The following NPAS3 variants were observed in gnomAD, a reference collection of about 807,000 sequenced individuals.
NPAS3 encodes neuronal PAS domain protein 3, also known as neuronal PAS domain-containing protein 3.
NPAS3 carries 14 observed loss-of-function variants against 73.1 expected under a neutral mutation model. The ratio of observed to expected loss-of-function variants is 0.19; its 90% CI spans 0.13 to 0.30. The LOEUF (loss-of-function observed/expected upper bound fraction) is 0.30, where lower values mean the gene tolerates loss of function less well. NPAS3 is among the 10% of genes least tolerant of loss of function. The pLI is 1.00. For missense variants in NPAS3, 1,096 were observed against 1,250.0 expected (o/e 0.88, Z 1.86); for synonymous variants, 620 against 541.5 (o/e 1.14, Z -2.01).
intron 2 of NPAS3, among the ~76,000 whole-genome samples, chr14:33,077,794 C>CTT (rs2041715836): frequency 4.8e-5 from 1 of 20,750 alleles, no homozygotes; most frequent in Non-Finnish European, 1.6e-4. Context: ...TTTTTTGCCC[C>CTT]TTTTGGCTTC....
At chr14:33,763,887 T>C (rs1174922486) in intron 7 of NPAS3, among the ~76,000 whole-genome samples, 1 of 152,112 alleles carries the variant, frequency 6.6e-6, no homozygotes, top group East Asian at 1.9e-4. Flanking sequence ...CGTGTTTGCT[T>C]TAAACAATTT....
chr14:33,106,622 G>A (rs1415735698), intron 2 of NPAS3, among the ~76,000 whole-genome samples: 1 of 152,118 alleles, frequency 6.6e-6, no homozygotes, highest in East Asian at 1.9e-4. Context: ...CTTAAATGAG[G>A]AGAAAAGCTG....
intron 3 of NPAS3, among the ~76,000 whole-genome samples, chr14:33,245,423 T>C (rs1019904796): frequency 2.6e-5 from 4 of 152,172 alleles, no homozygotes; most frequent in African/African-American, 9.7e-5. Flanking sequence ...CCTTAACTTA[T>C]ATGACGTAGG....
chr14:33,650,350 A>G (rs1231759826), intron 5 of NPAS3, among the ~76,000 whole-genome samples: 1 of 152,186 alleles, frequency 6.6e-6, no homozygotes. Flanking sequence ...GGCAAGAGAA[A>G]AGATTTCTTA....
At chr14:33,351,889 G>T (rs576978556) in intron 3 of NPAS3, among the ~76,000 whole-genome samples, 247 of 152,226 alleles carry the variant, frequency 1.6e-3, no homozygotes, top group Middle Eastern at 3.4e-3. Context: ...ACACACCGGG[G>T]CCTGTTGGTG....
chr14:33,332,490 G>C (rs1449346610), intron 3 of NPAS3, among the ~76,000 whole-genome samples: 1 of 152,180 alleles, frequency 6.6e-6, no homozygotes, highest in Non-Finnish European at 1.5e-5. Context: ...ATAGAGGACA[G>C]TGTGTTAGAT....
intron 4 of NPAS3, among the ~76,000 whole-genome samples, chr14:33,410,747 G>A (rs2047886162): frequency 6.6e-6 from 1 of 152,064 alleles, no homozygotes; most frequent in Non-Finnish European, 1.5e-5. Flanking sequence ...CCAGGTTCAA[G>A]CAATTCTCCT....
intron 4 of NPAS3, among the ~76,000 whole-genome samples, chr14:33,538,538 AC>A (rs1204747478): frequency 9.2e-5 from 14 of 152,080 alleles, no homozygotes; most frequent in African/African-American, 3.1e-4. Flanking sequence ...CAACAGAAAA[AC>A]CCCAAGTTAT....
intron 4 of NPAS3, among the ~76,000 whole-genome samples, chr14:33,464,711 A>C (rs1361099700): frequency 6.6e-6 from 1 of 152,138 alleles, no homozygotes; most frequent in Admixed American, 6.6e-5. Flanking sequence ...GCCGTGCATG[A>C]GGATTGTTCT....
In NPAS3 at chr14:33,800,809, C is replaced by A; in HGVS notation, c.2502C>A (p.Ala834=). The A allele has an allele frequency of 6.3e-7, 1 of 1,598,884 alleles. No homozygotes were observed. Among genetic ancestry groups the A allele is most frequent in the Non-Finnish European group, 8.5e-7 (1 of 1,173,476 alleles). The stretch of plus-strand genomic sequence containing the variant: ...CGGGCACCATCCGCTACGCGCCCGC[C>A]GAGGTGACCCTGGCCATGCAGAGCA... The change falls in exon 12 of 12, where the codon GCC becomes GCA. Residue 834 remains alanine (A), a synonymous_variant. Transcript: ENST00000356141. This position sits in a 1 kb window ranked among gnomAD's most constrained non-coding sequence, Gnocchi z 6.5.
chr14:33,470,823 G>A (rs563587559), intron 4 of NPAS3, among the ~76,000 whole-genome samples: 4 of 151,978 alleles, frequency 2.6e-5, no homozygotes, highest in African/African-American at 9.7e-5. Context: ...CTTTAAGAAA[G>A]ATGGTGACCA....
At chr14:33,159,162 C>CA (rs1218426068) in intron 2 of NPAS3, among the ~76,000 whole-genome samples, 6 of 151,400 alleles carry the variant, frequency 4.0e-5, no homozygotes, top group East Asian at 1.9e-4. Context: ...GACTCCATCT[C>CA]AAAAAAAATA....
intron 4 of NPAS3, among the ~76,000 whole-genome samples, chr14:33,529,989 G>A (rs1230535724): frequency 6.6e-6 from 1 of 152,148 alleles, no homozygotes; most frequent in African/African-American, 2.4e-5. Flanking sequence ...GTCCCATTCG[G>A]TGAACAGGCC....
rs17535068 is a variant in NPAS3, at chr14:33,045,403, C to T, written c.51-10502C>T. Among the ~76,000 whole-genome samples the T allele has an allele frequency of 8.9e-3, 1,362 of 152,272 alleles. 5 individuals are homozygous for T. The highest frequency in any genetic ancestry group is 0.013 in the Non-Finnish European group (914 of 68,006). On this transcript the variant is annotated intron_variant, in intron 1 of 11. Transcript: ENST00000356141. ...GACCTGCTATGAAGTGTTATCCTTCCGATTAGTCTTTCTAGAGGGCTTTAC... is the reference window on the plus strand; with the variant it reads ...GACCTGCTATGAAGTGTTATCCTTCTGATTAGTCTTTCTAGAGGGCTTTAC...
intron 3 of NPAS3, among the ~76,000 whole-genome samples, chr14:33,270,718 TA>T (rs1048720514): frequency 2.6e-5 from 4 of 152,342 alleles, no homozygotes; most frequent in Non-Finnish European, 4.4e-5. Context: ...TTTTGTTTTT[TA>T]AAATAACTTT....
intron 2 of NPAS3, among the ~76,000 whole-genome samples, chr14:33,189,886 G>A (rs1320147896): frequency 6.6e-6 from 1 of 152,136 alleles, no homozygotes; most frequent in Admixed American, 6.5e-5. Flanking sequence ...ATACATATAA[G>A]TGTGTTCATG....
intron 4 of NPAS3, among the ~76,000 whole-genome samples, chr14:33,405,478 A>G (rs2047626157): frequency 1.3e-5 from 2 of 152,128 alleles, no homozygotes; most frequent in Admixed American, 1.3e-4. Flanking sequence ...ATGAACATGA[A>G]TGAAGCTATA....
intron 4 of NPAS3, among the ~76,000 whole-genome samples, chr14:33,548,884 A>G (rs1028133735): frequency 2.6e-5 from 4 of 152,240 alleles, no homozygotes; most frequent in Admixed American, 6.5e-5. Flanking sequence ...AGCACTCTGG[A>G]ACAGAGGGAA....
intron 5 of NPAS3, among the ~76,000 whole-genome samples, chr14:33,606,861 AT>A (rs1458125105): frequency 6.6e-6 from 1 of 152,210 alleles, no homozygotes; most frequent in Non-Finnish European, 1.5e-5. Flanking sequence ...TTTATCCTCA[AT>A]ACACAAAGAA....
Sources: allele counts gnomAD v4.1 joint callset (sites outside exome capture counted in the v4.1 genomes callset), GRCh38; gene constraint gnomAD v4.1.1; non-coding constraint Gnocchi (gnomAD v3.1); transcripts MANE v1.5; gene names NCBI Gene and HGNC (gene_info 2026-07-23, HGNC 2026-07-21).